The following PDE10A variants were observed in gnomAD, a reference collection of about 807,000 sequenced individuals.
PDE10A encodes the protein cAMP and cAMP-inhibited cGMP 3',5'-cyclic phosphodiesterase 10A.
Under a neutral mutation model 97.7 loss-of-function variants are expected in PDE10A, and 39 were observed. The observed-to-expected ratio is 0.40, with a 90% confidence interval of 0.31 to 0.52. The LOEUF (loss-of-function observed/expected upper bound fraction) is 0.52, where lower values mean the gene tolerates loss of function less well. Ranked by LOEUF, PDE10A falls within the 20% of genes least tolerant of loss-of-function variation. PDE10A has a pLI of 0.56. For synonymous variants in PDE10A, 371 were observed against 376.8 expected, an observed-to-expected ratio of 0.98 and a Z score of 0.18; for missense variants, 731 against 1,047.8, an observed-to-expected ratio of 0.70 and a Z score of 4.17.
At chr6:165,869,130 C>T (rs1309834074) in intron 1 of PDE10A, among the ~76,000 whole-genome samples, 1 of 151,918 alleles carries the variant, frequency 6.6e-6, no homozygotes, top group Non-Finnish European at 1.5e-5. Flanking sequence ...AAATAAAAGG[C>T]ATTCAAATTA....
intron 1 of PDE10A, among the ~76,000 whole-genome samples, chr6:165,669,009 C>T (rs972810012): frequency 1.3e-4 from 20 of 152,152 alleles, no homozygotes; most frequent in Admixed American, 9.8e-4. Flanking sequence ...ATAGAAGCAC[C>T]GTGGCTTCTC....
chr6:165,649,035 G>A (rs2128424282), intron 1 of PDE10A, among the ~76,000 whole-genome samples: 1 of 152,286 alleles, frequency 6.6e-6, no homozygotes, highest in East Asian at 1.9e-4. Context: ...TGAGAAAGGG[G>A]TGCCCTGCAG....
chr6:165,766,861 A>C (rs1546140), intron 1 of PDE10A, among the ~76,000 whole-genome samples: 1 of 152,382 alleles, frequency 6.6e-6, no homozygotes, highest in South Asian at 2.1e-4. Flanking sequence ...TTTGGAGGCA[A>C]GAAAATCCTA....
chr6:165,385,410 G>C (rs1048472530), intron 17 of PDE10A, among the ~76,000 whole-genome samples: 3 of 152,180 alleles, frequency 2.0e-5, no homozygotes, highest in Non-Finnish European at 4.4e-5. Flanking sequence ...GGGTACGAGA[G>C]TCCTCAGGGC....
chr6:165,470,569 A>G (rs982698451), intron 3 of PDE10A, among the ~76,000 whole-genome samples: 1 of 152,204 alleles, frequency 6.6e-6, no homozygotes, highest in Non-Finnish European at 1.5e-5. Context: ...CTACTCATTC[A>G]TAGAAAAGTA....
chr6:165,480,050 G>A (rs1779514615), intron 3 of PDE10A, among the ~76,000 whole-genome samples: 1 of 152,134 alleles, frequency 6.6e-6, no homozygotes. Flanking sequence ...AGTCTGTAGT[G>A]TTAAGGCTGC....
At chr6:165,437,403 T>G (rs1173228290) in intron 5 of PDE10A, among the ~76,000 whole-genome samples, 1 of 152,164 alleles carries the variant, frequency 6.6e-6, no homozygotes, top group Non-Finnish European at 1.5e-5. Context: ...CTGTGTAGGT[T>G]TCATACAATA....
At chr6:165,518,630 C>T (rs376925876) in intron 2 of PDE10A, among the ~76,000 whole-genome samples, 68 of 152,150 alleles carry the variant, frequency 4.5e-4, no homozygotes, top group African/African-American at 1.5e-3. Context: ...ACCAAGAGGC[C>T]GTAAAGCACT....
intron 1 of PDE10A, among the ~76,000 whole-genome samples, chr6:165,594,679 A>C (rs185681463): frequency 1.6e-3 from 243 of 152,342 alleles, no homozygotes; most frequent in Non-Finnish European, 3.1e-3. Context: ...TACGGTGTTG[A>C]GAAATATTAT....
chr6:165,837,918 C>G, intron 1 of PDE10A, among the ~76,000 whole-genome samples: 1 of 152,114 alleles, frequency 6.6e-6, no homozygotes, highest in Admixed American at 6.5e-5. Context: ...ATCTCCTGAC[C>G]TCGTGATCCG....
chr6:165,809,063 C>T (rs1278313784), intron 1 of PDE10A, among the ~76,000 whole-genome samples: 1 of 152,208 alleles, frequency 6.6e-6, no homozygotes, highest in Non-Finnish European at 1.5e-5. Context: ...ACTTTTGAAA[C>T]ACATTGTTTC....
chr6:165,831,889 C>T (rs1449793499), intron 1 of PDE10A, among the ~76,000 whole-genome samples: 1 of 152,134 alleles, frequency 6.6e-6, no homozygotes, highest in Non-Finnish European at 1.5e-5. Context: ...TTCTTTTGTG[C>T]TTCTCAATTC....
At chr6:165,715,521 C>A (rs182612079) in intron 1 of PDE10A, among the ~76,000 whole-genome samples, 6 of 152,238 alleles carry the variant, frequency 3.9e-5, no homozygotes, top group Admixed American at 2.0e-4. Context: ...CCCAAAGGAA[C>A]CTGTAGGGAA....
At chr6:165,625,374 T>C (rs546783663) in intron 1 of PDE10A, among the ~76,000 whole-genome samples, 103 of 152,350 alleles carry the variant, frequency 6.8e-4, no homozygotes, top group African/African-American at 2.4e-3. Flanking sequence ...CAAGACTTGC[T>C]GTCTGGTGAG....
intron 1 of PDE10A, among the ~76,000 whole-genome samples, chr6:165,839,908 A>ACCTCATCTCCATTCTTATCAT (rs1562762600): frequency 1.7e-4 from 2 of 11,678 alleles, no homozygotes; most frequent in African/African-American, 3.2e-4. Flanking sequence ...CCCATCTCCA[A>ACCTCATCTCCATTCTTATCAT]CTCCATCCCC....
chr6:165,959,768 C>T (rs1784302834), intron 1 of PDE10A, among the ~76,000 whole-genome samples: 1 of 152,100 alleles, frequency 6.6e-6, no homozygotes, highest in African/African-American at 2.4e-5. Context: ...TTCCTGCTTC[C>T]CAGGTGCCTG....
chr6:165,343,014 G>A (rs1353980631), intron 19 of PDE10A, among the ~76,000 whole-genome samples: 6 of 152,178 alleles, frequency 3.9e-5, no homozygotes, highest in African/African-American at 1.4e-4. Flanking sequence ...TTTAACTGCA[G>A]GTGGATATAT....
chr6:165,764,930 A>G (rs375456190), intron 1 of PDE10A, among the ~76,000 whole-genome samples: 15,699 of 151,824 alleles, frequency 0.1, 991 homozygotes, highest in South Asian at 0.19. Context: ...TTGACAGGGC[A>G]CTGATTGGTG....
rs1785443190 is a variant in PDE10A at position 165,388,285 on chromosome 6, TGCA to T, written c.2610+10_2610+12del. The T allele has an allele frequency of 6.2e-7, 1 of 1,613,406 alleles. No homozygotes were observed. Among genetic ancestry groups the T allele is most frequent in the African/African-American group, 1.3e-5 (1 of 74,872 alleles). ...CCTTCAGACTAAGCGAGAGACGGCG[TGCA>T]GTGACTCACCTGGAGGATGGACACA... is the stretch of plus-strand genomic sequence containing the variant. On this transcript the variant is annotated intron_variant, in intron 17 of 21. Transcript: ENST00000539869. The surrounding 1 kb of genome is among the most constrained non-coding windows in gnomAD (Gnocchi z 4.0).
Sources: gnomAD v4.1 joint callset for allele counts (sites outside exome capture counted in the v4.1 genomes callset) on GRCh38, gnomAD v4.1.1 for gene constraint, Gnocchi (gnomAD v3.1) non-coding constraint, MANE v1.5 for transcripts, NCBI Gene and HGNC (gene_info 2026-07-23, HGNC 2026-07-21) for gene names.